Variants in ALK observed in about 807,000 individuals in gnomAD.
The protein encoded by ALK is ALK receptor tyrosine kinase.
A neutral mutation model predicts 163.1 loss-of-function variants in ALK; 74 were observed. That is an observed-to-expected ratio of 0.45 (90% CI 0.38 to 0.55). The LOEUF (loss-of-function observed/expected upper bound fraction) is 0.55, where lower values mean the gene tolerates loss of function less well. Among genes scored for constraint, ALK ranks in the 20% least tolerant of loss-of-function variants. ALK has a pLI of 0.00. For synonymous variants in ALK, 960 were observed against 843.2 expected, an observed-to-expected ratio of 1.14 and a Z score of -2.40; for missense variants, 2,063 against 2,105.3, an observed-to-expected ratio of 0.98 and a Z score of 0.39.
chr2:29,556,406 T>G (rs529508213), intron 3 of ALK, among the ~76,000 whole-genome samples: 1 of 152,210 alleles, frequency 6.6e-6, no homozygotes, highest in African/African-American at 2.4e-5. Flanking sequence ...ACTCCTGTTA[T>G]TATTGTCATC....
chr2:29,449,890 T>C (rs4299298), intron 4 of ALK, among the ~76,000 whole-genome samples: 87,559 of 152,042 alleles, frequency 0.58, 25,432 homozygotes, highest in East Asian at 0.68. Context: ...TATCACTGTC[T>C]GGACTCCCCA....
Position 29,193,713 on chromosome 2 carries a change from A to C in ALK, c.4374T>G (p.Ala1458=), listed in dbSNP as rs770588989. ...SSGKAAKKPT[A]AEISVRVPRG... The stretch of plus-strand genomic sequence containing the variant: ...TAGGGACTCGAACAGAGATCTCTGC[A>C]GCTGTGGGTTTCTTTGCAGCCTTGC... The change falls in exon 29 of 29, where the codon GCT becomes GCG. Residue 1458 remains alanine, a synonymous_variant. Transcript: ENST00000389048. 2.5e-6 allele frequency: 4 copies of C among 1,608,514 alleles called. No homozygotes were observed. In the South Asian group the frequency reaches 4.4e-5, roughly 18 times the overall value.
chr2:29,786,182 A>G (rs968891202), intron 1 of ALK, among the ~76,000 whole-genome samples: 8 of 151,900 alleles, frequency 5.3e-5, no homozygotes, highest in African/African-American at 1.9e-4. Context: ...TTCTTTGCCT[A>G]GGTTAGTTTT....
intron 1 of ALK, among the ~76,000 whole-genome samples, chr2:29,740,776 C>A (rs1420595558): frequency 6.6e-6 from 1 of 152,042 alleles, no homozygotes; most frequent in African/African-American, 2.4e-5. Context: ...CCAAGGTGGG[C>A]GGATCACTCA....
intron 1 of ALK, among the ~76,000 whole-genome samples, chr2:29,885,003 A>C (rs1666952665): frequency 6.6e-6 from 1 of 152,058 alleles, no homozygotes; most frequent in South Asian, 2.1e-4. Context: ...GTTTATGATC[A>C]GGACTTATCA....
chr2:29,304,493 TAAA>T (rs70958256), intron 8 of ALK, among the ~76,000 whole-genome samples: 2 of 125,432 alleles, frequency 1.6e-5, no homozygotes. Flanking sequence ...AGACTGTGTC[TAAA>T]AAAAAAAAAA....
intron 1 of ALK, among the ~76,000 whole-genome samples, chr2:29,778,760 C>G (rs938519742): frequency 6.6e-6 from 1 of 152,150 alleles, no homozygotes; most frequent in Non-Finnish European, 1.5e-5. Flanking sequence ...ATAGGATCCA[C>G]TCTTATAAGG....
intron 4 of ALK, among the ~76,000 whole-genome samples, chr2:29,442,720 G>C (rs1458005084): frequency 2.0e-5 from 3 of 152,166 alleles, no homozygotes; most frequent in Non-Finnish European, 4.4e-5. Context: ...AAAACCTTAT[G>C]CTTAACAGTG....
chr2:29,728,619 G>A (rs1329220009), intron 1 of ALK, among the ~76,000 whole-genome samples: 1 of 152,208 alleles, frequency 6.6e-6, no homozygotes, highest in Non-Finnish European at 1.5e-5. Context: ...AAGATTACCT[G>A]AGAAGCTGAT....
chr2:29,265,549 TA>T (rs1299078457), intron 11 of ALK, among the ~76,000 whole-genome samples: 1 of 152,244 alleles, frequency 6.6e-6, no homozygotes, highest in Non-Finnish European at 1.5e-5. Context: ...AACCACACAC[TA>T]AGCCTTGTTT....
intron 1 of ALK, among the ~76,000 whole-genome samples, chr2:29,882,549 C>G (rs1401662993): frequency 2.0e-5 from 3 of 152,100 alleles, no homozygotes; most frequent in Non-Finnish European, 2.9e-5. Context: ...CAAAAATTAG[C>G]TGGGTGTGGT....
intron 1 of ALK, among the ~76,000 whole-genome samples, chr2:29,748,792 C>G (rs191444526): frequency 2.0e-5 from 3 of 152,170 alleles, no homozygotes; most frequent in Non-Finnish European, 4.4e-5. Flanking sequence ...GTCACCCAGG[C>G]TGGAATGCAG....
chr2:29,389,113 G>T (rs1262089680), intron 4 of ALK, among the ~76,000 whole-genome samples: 2 of 152,218 alleles, frequency 1.3e-5, no homozygotes, highest in Non-Finnish European at 2.9e-5. Context: ...GTGCATTGTT[G>T]CACACTAGCT....
chr2:29,696,730 G>A (rs988843954), intron 2 of ALK, among the ~76,000 whole-genome samples: 12 of 151,668 alleles, frequency 7.9e-5, no homozygotes, highest in Admixed American at 1.3e-4. Context: ...CACACGTGTC[G>A]TATGAAGAGC....
intron 3 of ALK, among the ~76,000 whole-genome samples, chr2:29,553,453 G>T (rs1328936735): frequency 6.6e-6 from 1 of 152,194 alleles, no homozygotes; most frequent in South Asian, 2.1e-4. Context: ...AATCGACTAA[G>T]ATACCTTCCA....
intron 1 of ALK, among the ~76,000 whole-genome samples, chr2:29,860,864 A>C (rs1242515756): frequency 6.6e-6 from 1 of 152,234 alleles, no homozygotes; most frequent in African/African-American, 2.4e-5. Context: ...AGATGCAGCA[A>C]AGGCGATTAT....
In ALK at chr2:29,717,438, A is replaced by G. The variant is rs999470847; in HGVS notation, c.787+140T>C. The stretch of plus-strand genomic sequence containing the variant: ...GGGGTTGAGCGTCACTGGGAGACAG[A>G]GGGCTCAGAAAGACTTCTTTTGCAT... On this transcript the variant is annotated intron_variant, in intron 2 of 28. Coordinates refer to ENST00000389048, the MANE Select transcript of ALK (RefSeq NM_004304.5). 21 of 1,001,694 alleles carry G rather than the reference A, an allele frequency of 2.1e-5. 1 individual carries two copies. In the Admixed American group the frequency reaches 3.9e-4, roughly 18 times the overall value. The allele number at this position is 1,001,694 out of a possible 1,614,324, so 62.1% of individuals were successfully genotyped here. A position where few individuals can be genotyped will look rare whatever the true frequency, so the allele number is the denominator to read the frequency against.
intron 5 of ALK, among the ~76,000 whole-genome samples, chr2:29,356,345 C>T (rs1668245033): frequency 6.6e-6 from 1 of 152,094 alleles, no homozygotes; most frequent in East Asian, 1.9e-4. Flanking sequence ...ACATAACTTA[C>T]TCTATAGCTT....
intron 3 of ALK, among the ~76,000 whole-genome samples, chr2:29,620,476 T>C (rs1450735347): frequency 1.9e-5 from 2 of 107,210 alleles, no homozygotes; most frequent in East Asian, 5.5e-4. Flanking sequence ...CCTCAACATA[T>C]ACTTTTCTCT....
Sources: allele counts gnomAD v4.1 joint callset (sites outside exome capture counted in the v4.1 genomes callset), GRCh38; gene constraint gnomAD v4.1.1; transcripts MANE v1.5; gene names NCBI Gene and HGNC (gene_info 2026-07-23, HGNC 2026-07-21).